Variants in GPC3 observed in about 807,000 individuals in gnomAD.
GPC3 encodes the protein glypican 3, also known as glypican-3.
Under a neutral mutation model 34.4 loss-of-function variants are expected in GPC3, and 3 were observed. That is an observed-to-expected ratio of 0.09 (90% CI 0.04 to 0.23). GPC3 has a LOEUF of 0.23. GPC3 is among the 10% of genes least tolerant of loss of function. The probability of loss-of-function intolerance (pLI) is 1.00; values close to 1 mark genes in which losing one functional copy is unlikely to be tolerated. For missense variants in GPC3, 351 were observed against 445.6 expected (o/e 0.79, Z 1.91); for synonymous variants, 177 against 174.0 (o/e 1.02, Z -0.13).
At position 133,881,436 on chromosome X, in the gene GPC3, C is replaced by T. The variant is rs187301695; in HGVS notation, c.337+71614G>A. Among the ~76,000 whole-genome samples, 505 of 112,109 alleles carry T rather than the reference C, an allele frequency of 4.5e-3. 2 individuals carry two copies. Among genetic ancestry groups the T allele is most frequent in the African/African-American group, 0.015 (479 of 30,916 alleles). On this transcript the variant is annotated intron_variant, in intron 2 of 7. Coordinates refer to ENST00000370818, the MANE Select transcript of GPC3 (RefSeq NM_004484.4). ...ACAAAGTAAAAATTAATACATGTGGCGTTTTATGTTCAAATTTAAATCATT... is the reference window on the plus strand; with the variant it reads ...ACAAAGTAAAAATTAATACATGTGGTGTTTTATGTTCAAATTTAAATCATT...
In GPC3 at chrX:133,985,388, G is replaced by A. The variant is rs745984441; in HGVS notation, c.62C>T (p.Pro21Leu). The change falls in exon 1 of 8, where the codon CCG (proline) becomes CTG (leucine). Residue 21 changes from proline (P) to leucine (L), a missense_variant. Coordinates refer to ENST00000370818, the MANE Select transcript of GPC3 (RefSeq NM_004484.4). ...CGGCGGCGGGGGCTGCGCCTGTCCC[G>A]GGAAGTCCAAGCTGAGCAGCATCGC... ...VVAMLLSLDF[P>L]GQAQPPPPPP... 1 of 1,193,919 alleles carries A rather than the reference G, an allele frequency of 8.4e-7. No individual in the cohort carries two copies. The highest frequency in any genetic ancestry group is 1.1e-6 in the Non-Finnish European group (1 of 886,945).
At chrX:133,707,688 T>C (rs1453704416) in intron 3 of GPC3, among the ~76,000 whole-genome samples, 2 of 111,634 alleles carry the variant, frequency 1.8e-5, no homozygotes, top group African/African-American at 6.5e-5. Flanking sequence ...AAAGGTTATG[T>C]CATGTATCTT....
At chrX:133,616,021 C>A (rs1043055926) in intron 6 of GPC3, among the ~76,000 whole-genome samples, 3 of 111,082 alleles carry the variant, frequency 2.7e-5, no homozygotes, top group African/African-American at 9.8e-5. Context: ...TCTGTTCTTA[C>A]CACTTTTATT....
intron 6 of GPC3, among the ~76,000 whole-genome samples, chrX:133,658,429 G>A (rs943862909): frequency 9.0e-6 from 1 of 111,637 alleles, no homozygotes; most frequent in Non-Finnish European, 1.9e-5. Context: ...TTTAGAACAT[G>A]ACATCACTTT....
chrX:133,844,214 T>C (rs2075837883), intron 2 of GPC3, among the ~76,000 whole-genome samples: 2 of 112,183 alleles, frequency 1.8e-5, no homozygotes, highest in African/African-American at 3.2e-5. Flanking sequence ...GTGAATCTAA[T>C]GTACAGAATG....
Position 133,953,183 on chromosome X carries a change from C to G in GPC3, c.204G>C (p.Lys68Asn), listed in dbSNP as rs61754632. ...TCTTTCTTGAGCAGCATGTTGGGCCCTTAGGGAGACATACTTGCAAATCTG... is the reference window on the plus strand; with the variant it reads ...TCTTTCTTGAGCAGCATGTTGGGCCGTTAGGGAGACATACTTGCAAATCTG... ...PGSDLQVCLP[K>N]GPTCCSRKME... The change falls in exon 2 of 8, where the codon AAG becomes AAC. Residue 68 changes from lysine to asparagine, a missense_variant. Lys to Asn is a moderately conservative substitution (Grantham distance 94). Coordinates refer to ENST00000370818, the MANE Select transcript of GPC3 (RefSeq NM_004484.4). 8.3e-7 allele frequency: 1 copy of G among 1,209,156 alleles called. No individual in the cohort carries two copies. Among genetic ancestry groups the G allele is most frequent in the Admixed American group, 2.2e-5 (1 of 45,861 alleles).
intron 2 of GPC3, among the ~76,000 whole-genome samples, chrX:133,769,214 G>A (rs2071886892): frequency 8.9e-6 from 1 of 111,734 alleles, no homozygotes; most frequent in Admixed American, 9.5e-5. Flanking sequence ...GAGGAATGGT[G>A]GTTTTCAGAG....
chrX:133,688,862 T>C (rs961698450), intron 5 of GPC3, among the ~76,000 whole-genome samples: 2 of 111,719 alleles, frequency 1.8e-5, no homozygotes, highest in Non-Finnish European at 3.8e-5. Flanking sequence ...CTAATCTTTA[T>C]AAATGGTACA....
intron 2 of GPC3, among the ~76,000 whole-genome samples, chrX:133,848,829 C>T (rs1477896868): frequency 2.7e-5 from 3 of 110,471 alleles, no homozygotes; most frequent in African/African-American, 9.9e-5. Context: ...AGGAAAGATG[C>T]ATAGAATATA....
chrX:133,908,467 G>A (rs1430279097), intron 2 of GPC3, among the ~76,000 whole-genome samples: 4 of 111,529 alleles, frequency 3.6e-5, no homozygotes, highest in Non-Finnish European at 7.5e-5. Context: ...CTTGTTCAGA[G>A]GACTGTGGAG....
chrX:133,895,417 C>T (rs1347932937), intron 2 of GPC3, among the ~76,000 whole-genome samples: 1 of 111,302 alleles, frequency 9.0e-6, no homozygotes, highest in Non-Finnish European at 1.9e-5. Flanking sequence ...TGAATCTCCA[C>T]CCCCCGTCCC....
intron 6 of GPC3, among the ~76,000 whole-genome samples, chrX:133,643,831 G>GTTTTTTTTTTTTTT (rs778326133): frequency 6.3e-4 from 61 of 96,976 alleles, no homozygotes; most frequent in African/African-American, 2.3e-3. Flanking sequence ...TTGTTTTTAT[G>GTTTTTTTTTTTTTT]TTTTTTTTTT....
intron 3 of GPC3, among the ~76,000 whole-genome samples, chrX:133,737,649 C>T (rs1569423206): frequency 8.9e-6 from 1 of 111,790 alleles, no homozygotes; most frequent in Non-Finnish European, 1.9e-5. Context: ...AATGGCTCCT[C>T]ACTCTCCCAA....
intron 6 of GPC3, among the ~76,000 whole-genome samples, chrX:133,656,710 C>T (rs1427106472): frequency 9.0e-6 from 1 of 110,829 alleles, no homozygotes. Context: ...TTAATGTTTT[C>T]ATAGCCTAAT....
intron 6 of GPC3, among the ~76,000 whole-genome samples, chrX:133,657,354 C>T (rs193118427): frequency 2.7e-5 from 3 of 111,579 alleles, no homozygotes; most frequent in Non-Finnish European, 3.8e-5. Flanking sequence ...GTGTTGTGAT[C>T]GTTTTTGGTA....
chrX:133,545,187 T>C (rs1411729441), intron 7 of GPC3, among the ~76,000 whole-genome samples: 1 of 111,661 alleles, frequency 9.0e-6, no homozygotes. Flanking sequence ...AAGATCAAGA[T>C]AACTGATCTA....
intron 2 of GPC3, among the ~76,000 whole-genome samples, chrX:133,807,346 G>A (rs992059867): frequency 4.5e-5 from 5 of 111,952 alleles, no homozygotes; most frequent in South Asian, 3.8e-4. Context: ...GTCCTCACCA[G>A]AAGCAGATGC....
chrX:133,811,856 A>T lies in GPC3; in HGVS notation c.338-57680T>A, dbSNP rs184226204. 6.2e-5 allele frequency among the ~76,000 whole-genome samples: 7 copies of T among 112,353 alleles called. No individual in the cohort carries two copies. The East Asian group carries it at 2.0e-3, about 31-fold the overall frequency. On this transcript the variant is annotated intron_variant, in intron 2 of 7. Transcript: ENST00000370818. ...AGTTTAAACTTGTCTTGAAAATCTC[A>T]GGTTTAAATAACTTCTTTAACTTGG... is the stretch of plus-strand genomic sequence containing the variant.
intron 2 of GPC3, among the ~76,000 whole-genome samples, chrX:133,941,295 G>T (rs2076344245): frequency 8.9e-6 from 1 of 112,615 alleles, no homozygotes; most frequent in Non-Finnish European, 1.9e-5. Context: ...CTGGTGGCAG[G>T]CTACATTTCA....
Sources: allele counts gnomAD v4.1 joint callset (sites outside exome capture counted in the v4.1 genomes callset), GRCh38; gene constraint gnomAD v4.1.1; transcripts MANE v1.5; gene names NCBI Gene and HGNC (gene_info 2026-07-23, HGNC 2026-07-21).